FNIP2: variants seen among roughly 807,000 people sequenced by gnomAD.
FNIP2 encodes folliculin interacting protein 2.
A neutral mutation model predicts 108.7 loss-of-function variants in FNIP2; 32 were observed. The observed-to-expected ratio is 0.29, with a 90% CI of 0.22 to 0.40. The LOEUF (loss-of-function observed/expected upper bound fraction) is 0.40. Among genes scored for constraint, FNIP2 ranks in the 10% least tolerant of loss-of-function variants. FNIP2 has a pLI of 1.00. For synonymous variants in FNIP2, 480 were observed against 496.7 expected, an observed-to-expected ratio of 0.97 and a Z score of 0.45; for missense variants, 1,202 against 1,381.6, an observed-to-expected ratio of 0.87 and a Z score of 2.06.
chr4:158,882,317 C>G (rs1290967875), intron 14 of FNIP2, among the ~76,000 whole-genome samples: 1 of 152,032 alleles, frequency 6.6e-6, no homozygotes, highest in African/African-American at 2.4e-5. Context: ...GGCAGCTGCC[C>G]CATCTGGGAG....
chr4:158,870,875 T>C (rs1364081729), intron 14 of FNIP2, among the ~76,000 whole-genome samples: 3 of 152,200 alleles, frequency 2.0e-5, no homozygotes, highest in African/African-American at 7.2e-5. Flanking sequence ...ACACACAGCC[T>C]TGTGGTGCAT....
At chr4:158,823,584 A>G (rs1778003123) in intron 1 of FNIP2, among the ~76,000 whole-genome samples, 1 of 152,182 alleles carries the variant, frequency 6.6e-6, no homozygotes. Flanking sequence ...GACTGTGTTG[A>G]TTGTAAGTGA....
chr4:158,875,541 T>TATATATATATATATATGC (rs1553964269), intron 14 of FNIP2, among the ~76,000 whole-genome samples: 27 of 141,456 alleles, frequency 1.9e-4, no homozygotes, highest in Admixed American at 1.1e-3. Flanking sequence ...TATATATATA[T>TATATATATATATATATGC]GCTCATGAAT....
Position 158,827,968 on chromosome 4 carries a change from A to G in FNIP2, c.235-1111A>G, listed in dbSNP as rs2347077. Among the ~76,000 whole-genome samples, 720 of 152,182 alleles carry G rather than the reference A, an allele frequency of 4.7e-3. 3 individuals carry two copies. The Middle Eastern group carries it at 0.051, about 11-fold the overall frequency. On this transcript the variant is annotated intron_variant, in intron 2 of 16. Transcript: ENST00000264433. ...GCAATTGCATTCATGTTTTTTTCCA[A>G]GCAAAAGCTACACAAGGAAAAAAAA...
chr4:158,840,734 G>C (rs559689859), intron 7 of FNIP2, among the ~76,000 whole-genome samples: 25 of 152,304 alleles, frequency 1.6e-4, no homozygotes, highest in South Asian at 4.1e-4. Context: ...CATGAGTAGA[G>C]TAAGGTTCAG....
chr4:158,846,766 G>T (rs1283202209), intron 7 of FNIP2, among the ~76,000 whole-genome samples: 1 of 152,124 alleles, frequency 6.6e-6, no homozygotes, highest in African/African-American at 2.4e-5. Context: ...AGCCTCCACC[G>T]ATCGTCCTCT....
chr4:158,897,036 C>G (rs55836615), intron 16 of FNIP2, among the ~76,000 whole-genome samples: 1 of 151,854 alleles, frequency 6.6e-6, no homozygotes, highest in African/African-American at 2.4e-5. Flanking sequence ...GTGATGTTCC[C>G]CTTCCTGTGT....
chr4:158,828,972 G>T (rs1175910588), intron 2 of FNIP2, 107 bp from the exon 3 acceptor site: 11 of 881,448 alleles, frequency 1.2e-5, no homozygotes, highest in African/African-American at 8.7e-5. Context: ...GTTTTTTAAT[G>T]CAACCTAGGC....
intron 1 of FNIP2, among the ~76,000 whole-genome samples, chr4:158,807,644 G>T (rs760807640): frequency 2.0e-5 from 3 of 151,960 alleles, no homozygotes; most frequent in African/African-American, 4.8e-5. Flanking sequence ...TATAGTTTTT[G>T]TCACGTAAAA....
chr4:158,846,971 C>T (rs1779440254), intron 7 of FNIP2, among the ~76,000 whole-genome samples: 1 of 152,162 alleles, frequency 6.6e-6, no homozygotes, highest in Non-Finnish European at 1.5e-5. Context: ...GGAATCTGTG[C>T]ACTTGGGGAG....
intron 14 of FNIP2, among the ~76,000 whole-genome samples, chr4:158,879,548 GT>G (rs1781470961): frequency 6.6e-6 from 1 of 150,390 alleles, no homozygotes; most frequent in Non-Finnish European, 1.5e-5. Flanking sequence ...CAGGAGGTCT[GT>G]CTGTCCCCTC....
intron 7 of FNIP2, among the ~76,000 whole-genome samples, chr4:158,841,110 G>C (rs1016573809): frequency 6.6e-6 from 1 of 152,136 alleles, no homozygotes; most frequent in Non-Finnish European, 1.5e-5. Context: ...CACACACCAA[G>C]AGGATATGAA....
intron 14 of FNIP2, among the ~76,000 whole-genome samples, chr4:158,880,143 C>T (rs528797960): frequency 1.4e-5 from 2 of 143,942 alleles, no homozygotes; most frequent in African/African-American, 2.7e-5. Context: ...CACATGCACA[C>T]GTATGTTTAT....
chr4:158,898,829 T>C (rs1299226379), intron 16 of FNIP2, among the ~76,000 whole-genome samples: 4 of 152,226 alleles, frequency 2.6e-5, no homozygotes, highest in Non-Finnish European at 5.9e-5. Flanking sequence ...GCTTTATTTC[T>C]TTCTCTTGCA....
At chr4:158,856,039 G>T (rs940998953) in intron 8 of FNIP2, among the ~76,000 whole-genome samples, 1 of 152,098 alleles carries the variant, frequency 6.6e-6, no homozygotes, top group African/African-American at 2.4e-5. Flanking sequence ...TTGGCTCCAC[G>T]CTGACCTCAG....
intron 1 of FNIP2, among the ~76,000 whole-genome samples, chr4:158,810,058 A>G (rs1395170981): frequency 6.6e-6 from 1 of 152,212 alleles, no homozygotes; most frequent in Non-Finnish European, 1.5e-5. Flanking sequence ...CTGACTAGGA[A>G]ATATAAAAAT....
intron 1 of FNIP2, among the ~76,000 whole-genome samples, chr4:158,804,022 T>C (rs181305752): frequency 6.6e-6 from 1 of 152,202 alleles, no homozygotes; most frequent in Non-Finnish European, 1.5e-5. Flanking sequence ...CACTGCAACC[T>C]CTGCCTCCTG....
At chr4:158,828,691 G>A (rs1199897708) in intron 2 of FNIP2, among the ~76,000 whole-genome samples, 1 of 152,116 alleles carries the variant, frequency 6.6e-6, no homozygotes, top group Non-Finnish European at 1.5e-5. Context: ...AGTTCCATTT[G>A]CTTAGTAAAA....
chr4:158,882,827 C>T (rs1007881016), intron 14 of FNIP2, among the ~76,000 whole-genome samples: 4 of 152,076 alleles, frequency 2.6e-5, no homozygotes, highest in Non-Finnish European at 5.9e-5. Flanking sequence ...TCACCACTCC[C>T]TAATCTCAAG....
Sources: allele counts gnomAD v4.1 joint callset (sites outside exome capture counted in the v4.1 genomes callset), GRCh38; gene constraint gnomAD v4.1.1; transcripts MANE v1.5; gene names NCBI Gene and HGNC (gene_info 2026-07-23, HGNC 2026-07-21).